Variants in CSTPP1 observed in about 807,000 individuals in gnomAD.
The protein encoded by CSTPP1 is centriolar satellite-associated tubulin polyglutamylase complex regulator 1.
chr11:47,048,421 G>T, the CSTPP1 span, among the ~76,000 whole-genome samples: 1 of 152,012 alleles, frequency 6.6e-6, no homozygotes, highest in Non-Finnish European at 1.5e-5. Flanking sequence ...GGAGTTCAAG[G>T]CTTGAGACCA....
the CSTPP1 span, among the ~76,000 whole-genome samples, chr11:47,075,673 C>A: frequency 6.6e-6 from 1 of 151,838 alleles, no homozygotes; most frequent in Admixed American, 6.6e-5. Flanking sequence ...AATTCCAGCA[C>A]TTTGGGAGGC....
At chr11:46,962,907 TC>T in the CSTPP1 span, among the ~76,000 whole-genome samples, 1 of 152,264 alleles carries the variant, frequency 6.6e-6, no homozygotes, top group Middle Eastern at 3.4e-3. Flanking sequence ...GGAGCCGTGT[TC>T]ACATTACTGC....
At chr11:47,127,522 G>A in the CSTPP1 span, among the ~76,000 whole-genome samples, 1 of 152,154 alleles carries the variant, frequency 6.6e-6, no homozygotes, top group African/African-American at 2.4e-5. Context: ...CCACTGGCTG[G>A]AGCTGAAGGA....
chr11:47,060,091 G>A, the CSTPP1 span, among the ~76,000 whole-genome samples: 19 of 143,376 alleles, frequency 1.3e-4, no homozygotes, highest in Non-Finnish European at 2.3e-4. Context: ...GCAACAGAGC[G>A]AGACTCTGTC....
At chr11:47,046,597 G>A in the CSTPP1 span, among the ~76,000 whole-genome samples, 3 of 149,442 alleles carry the variant, frequency 2.0e-5, no homozygotes, top group South Asian at 2.1e-4. Context: ...TAACATGTCA[G>A]TTCTACCCAA....
At chr11:46,980,703 A>C in the CSTPP1 span, among the ~76,000 whole-genome samples, 1 of 152,218 alleles carries the variant, frequency 6.6e-6, no homozygotes, top group Non-Finnish European at 1.5e-5. Context: ...AGTTAAAAGA[A>C]GACCATGAAG....
At chr11:47,135,394 C>A in the CSTPP1 span, among the ~76,000 whole-genome samples, 1 of 152,126 alleles carries the variant, frequency 6.6e-6, no homozygotes, top group Non-Finnish European at 1.5e-5. Context: ...CCTGGTGAAT[C>A]GCAGAGCCAA....
chr11:47,056,106 C>G, the CSTPP1 span, among the ~76,000 whole-genome samples: 1 of 152,150 alleles, frequency 6.6e-6, no homozygotes, highest in African/African-American at 2.4e-5. Context: ...TACCAAAATC[C>G]ACGCATAATC....
At chr11:47,157,251 A>T in the CSTPP1 span, 14 of 1,528,888 alleles carry the variant, frequency 9.2e-6, no homozygotes, top group Non-Finnish European at 1.2e-5. Flanking sequence ...CCAGCCCCCC[A>T]GCCCCAGGGG....
At chr11:47,032,084 C>T in the CSTPP1 span, among the ~76,000 whole-genome samples, 2 of 152,090 alleles carry the variant, frequency 1.3e-5, no homozygotes, top group African/African-American at 2.4e-5. Context: ...CTTTCCCAGC[C>T]CACCGACTCA....
chr11:47,009,380 G>A, the CSTPP1 span, among the ~76,000 whole-genome samples: 9 of 152,180 alleles, frequency 5.9e-5, no homozygotes, highest in Admixed American at 5.9e-4. Context: ...TACACTGCAA[G>A]GGATCATAAA....
the CSTPP1 span, among the ~76,000 whole-genome samples, chr11:47,116,702 C>T: frequency 1.0e-4 from 9 of 88,144 alleles, no homozygotes; most frequent in Admixed American, 5.5e-4. Flanking sequence ...TTTTTTGAGA[C>T]GGAGTCTTGC....
chr11:47,122,091 A>AAAAAAAAAAAAAATAT, the CSTPP1 span, among the ~76,000 whole-genome samples: 13 of 31,842 alleles, frequency 4.1e-4, no homozygotes, highest in Admixed American at 4.9e-4. Context: ...AAAAAAAAAA[A>AAAAAAAAAAAAAATAT]ATATATATAT....
the CSTPP1 span, among the ~76,000 whole-genome samples, chr11:46,962,925 G>T: frequency 1.3e-5 from 2 of 152,242 alleles, no homozygotes; most frequent in South Asian, 4.1e-4. Context: ...CTGCACTCCA[G>T]CCTGGGCAAC....
chr11:46,982,948 A>G, the CSTPP1 span, among the ~76,000 whole-genome samples: 3 of 152,168 alleles, frequency 2.0e-5, no homozygotes, highest in Non-Finnish European at 4.4e-5. Flanking sequence ...AAGGGCAGAG[A>G]GATAAGGTAA....
chr11:46,961,493 T>C, the CSTPP1 span, among the ~76,000 whole-genome samples: 16 of 152,208 alleles, frequency 1.1e-4, no homozygotes, highest in Admixed American at 5.2e-4. Context: ...CTTATAGATA[T>C]ATGATTTGCA....
chr11:47,000,082 C>T, the CSTPP1 span, among the ~76,000 whole-genome samples: 1 of 152,090 alleles, frequency 6.6e-6, no homozygotes, highest in Non-Finnish European at 1.5e-5. Context: ...GTAACCTCTA[C>T]CTCTGAATGT....
the CSTPP1 span, among the ~76,000 whole-genome samples, chr11:47,135,116 T>C: frequency 6.6e-6 from 1 of 151,766 alleles, no homozygotes; most frequent in African/African-American, 2.4e-5. Context: ...AACTAATTAA[T>C]TAATTAATTA....
the CSTPP1 span, among the ~76,000 whole-genome samples, chr11:47,062,573 C>T: frequency 6.6e-6 from 1 of 152,126 alleles, no homozygotes; most frequent in Non-Finnish European, 1.5e-5. Flanking sequence ...CTAAATAACA[C>T]CTAATTAAAA....
Sources: gnomAD v4.1 joint callset for allele counts (sites outside exome capture counted in the v4.1 genomes callset) on GRCh38, gnomAD v4.1.1 for gene constraint, MANE v1.5 for transcripts, NCBI Gene and HGNC (gene_info 2026-07-23, HGNC 2026-07-21) for gene names.